The following R3HDM1 variants were observed in gnomAD, a reference collection of about 807,000 sequenced individuals.
The protein encoded by R3HDM1 is R3H domain-containing protein 1.
In R3HDM1, 46 loss-of-function variants were observed where a neutral mutation model predicts 141.1. That is an observed-to-expected ratio of 0.33 (90% CI 0.26 to 0.42). The LOEUF (loss-of-function observed/expected upper bound fraction) is 0.42, where lower values mean the gene tolerates loss of function less well. R3HDM1 is among the 10% of genes least tolerant of loss of function. The pLI, the probability that R3HDM1 is intolerant of heterozygous loss-of-function variation, is 1.00. For synonymous variants in R3HDM1, 435 were observed against 472.9 expected, an observed-to-expected ratio of 0.92 and a Z score of 1.04; for missense variants, 1,184 against 1,368.3, an observed-to-expected ratio of 0.87 and a Z score of 2.12.
intron 1 of R3HDM1, among the ~76,000 whole-genome samples, chr2:135,543,829 A>G (rs1698129263): frequency 6.6e-6 from 1 of 152,242 alleles, no homozygotes; most frequent in Admixed American, 6.5e-5. Context: ...TTGGCCAAAC[A>G]TAGATACAAA....
chr2:135,671,347 C>T (rs908417867), intron 19 of R3HDM1, among the ~76,000 whole-genome samples: 6 of 151,670 alleles, frequency 4.0e-5, no homozygotes, highest in African/African-American at 1.2e-4. Flanking sequence ...ACCAGTGTTA[C>T]GTTAAAATTT....
chr2:135,646,289 C>T (rs1238266621), intron 16 of R3HDM1, among the ~76,000 whole-genome samples: 1 of 151,678 alleles, frequency 6.6e-6, no homozygotes, highest in Non-Finnish European at 1.5e-5. Flanking sequence ...GCAGCCGCCA[C>T]CACGCCCGGC....
intron 19 of R3HDM1, among the ~76,000 whole-genome samples, chr2:135,664,013 AAC>A (rs2067124048): frequency 6.7e-6 from 1 of 149,420 alleles, no homozygotes; most frequent in Non-Finnish European, 1.5e-5. Flanking sequence ...CAGCCTGGGC[AAC>A]AGAGTGAGAC....
At chr2:135,669,518 C>G in intron 19 of R3HDM1, 2 of 984,972 alleles carry the variant, frequency 2.0e-6, no homozygotes, top group Non-Finnish European at 2.4e-6. Flanking sequence ...TCTTCATTAA[C>G]CAAAATTATC....
At chr2:135,638,529 C>T in intron 11 of R3HDM1, 89 bp from the exon 12 acceptor site, 1 of 1,303,076 alleles carries the variant, frequency 7.7e-7, no homozygotes. Flanking sequence ...CATTATTACA[C>T]ATGATTTTTG....
chr2:135,562,060 A>C (rs1701902641), intron 1 of R3HDM1, among the ~76,000 whole-genome samples: 1 of 152,218 alleles, frequency 6.6e-6, no homozygotes, highest in Non-Finnish European at 1.5e-5. Flanking sequence ...AGATACCGTT[A>C]ACACAGTGAA....
At chr2:135,588,225 C>T (rs914593526) in intron 1 of R3HDM1, among the ~76,000 whole-genome samples, 1 of 151,902 alleles carries the variant, frequency 6.6e-6, no homozygotes, top group Non-Finnish European at 1.5e-5. Flanking sequence ...CCATCATTCC[C>T]TCTTCCTTTG....
At chr2:135,649,866 G>T in intron 16 of R3HDM1, 36 bp from the exon 17 acceptor site, 1 of 1,155,528 alleles carries the variant, frequency 8.7e-7, no homozygotes, top group South Asian at 1.7e-5. Flanking sequence ...GTTTTATTCT[G>T]ACATTAACAT....
chr2:135,588,790 ACCC>A (rs1300456698), intron 1 of R3HDM1, among the ~76,000 whole-genome samples: 1 of 152,160 alleles, frequency 6.6e-6, no homozygotes, highest in Non-Finnish European at 1.5e-5. Context: ...ATAAGATAAT[ACCC>A]CACTTCATAG....
chr2:135,550,356 G>C, intron 1 of R3HDM1: 1 of 526,094 alleles, frequency 1.9e-6, no homozygotes, highest in Non-Finnish European at 2.4e-6. Context: ...CCATGTTTTT[G>C]TTGCATTTAC....
At chr2:135,653,260 G>A (rs911189797) in intron 18 of R3HDM1, among the ~76,000 whole-genome samples, 2 of 152,108 alleles carry the variant, frequency 1.3e-5, no homozygotes, top group African/African-American at 4.8e-5. Flanking sequence ...AGAGGCTGAG[G>A]CAGGAGAATC....
At chr2:135,574,250 T>C (rs1704848506) in intron 1 of R3HDM1, among the ~76,000 whole-genome samples, 2 of 152,288 alleles carry the variant, frequency 1.3e-5, no homozygotes, top group South Asian at 2.1e-4. Context: ...CTGCAGTTAT[T>C]TGAAAACCTA....
chr2:135,625,337 T>G (rs1468325790), intron 7 of R3HDM1, among the ~76,000 whole-genome samples: 1 of 151,950 alleles, frequency 6.6e-6, no homozygotes, highest in Non-Finnish European at 1.5e-5. Context: ...CCTAGCTACT[T>G]GGGAGGCTGA....
At chr2:135,704,510 G>A (rs1455556167) in intron 21 of R3HDM1, among the ~76,000 whole-genome samples, 4 of 143,536 alleles carry the variant, frequency 2.8e-5, no homozygotes, top group Non-Finnish European at 4.5e-5. Context: ...AGTCTCTTTC[G>A]CCCAGGCCAG....
rs1396186238 is a variant in R3HDM1, at chr2:135,675,374, T to G, written c.2195T>G (p.Ile732Arg). The G allele has an allele frequency of 6.2e-7, 1 of 1,613,936 alleles. No homozygotes were observed. Among genetic ancestry groups the G allele is most frequent in the Admixed American group, 1.7e-5 (1 of 60,016 alleles). ...AACCAGCAGCAAAACTACCAAGGAA[T>G]AGTTGGAGTTCAGCAACCCCAGAGT... The part of the protein sequence containing the change: ...IPNQQQNYQG[I>R]VGVQQPQSQS... Residue 732 changes from isoleucine to arginine, a missense_variant, in exon 20 of 27, where the codon ATA (isoleucine) becomes AGA (arginine). Physicochemically the swap from Ile to Arg is moderately conservative, Grantham distance 97 (BLOSUM62 -3). Transcript: ENST00000683871.
chr2:135,576,759 C>T (rs1201716809), intron 1 of R3HDM1, among the ~76,000 whole-genome samples: 1 of 152,018 alleles, frequency 6.6e-6, no homozygotes, highest in African/African-American at 2.4e-5. Context: ...CAAAAGGCCA[C>T]AGGTTGTATG....
chr2:135,550,141 A>T, intron 1 of R3HDM1: 1 of 983,788 alleles, frequency 1.0e-6, no homozygotes, highest in Non-Finnish European at 1.2e-6. Context: ...TTTGGTTGTC[A>T]TTCTATGTTA....
At chr2:135,555,131 C>G (rs1237303769) in intron 1 of R3HDM1, among the ~76,000 whole-genome samples, 1 of 151,912 alleles carries the variant, frequency 6.6e-6, no homozygotes, top group Non-Finnish European at 1.5e-5. Context: ...GAAACTCTGT[C>G]TCTACTAAAA....
At chr2:135,653,807 A>G (rs1013427098) in intron 18 of R3HDM1, among the ~76,000 whole-genome samples, 1 of 152,198 alleles carries the variant, frequency 6.6e-6, no homozygotes, top group Non-Finnish European at 1.5e-5. Context: ...GCGCACATGT[A>G]ATCCTAGCTA....
Sources: allele counts gnomAD v4.1 joint callset (sites outside exome capture counted in the v4.1 genomes callset), GRCh38; gene constraint gnomAD v4.1.1; transcripts MANE v1.5; gene names NCBI Gene and HGNC (gene_info 2026-07-23, HGNC 2026-07-21).